IL3RA: variants seen among roughly 807,000 people sequenced by gnomAD.
IL3RA encodes the protein interleukin 3 receptor subunit alpha, also known as interleukin-3 receptor subunit alpha.
IL3RA carries 73 observed loss-of-function variants against 52.3 expected under a neutral mutation model. That is an observed-to-expected ratio of 1.40 (90% confidence interval 1.16 to 1.70). IL3RA has a LOEUF of 1.70. Among genes scored for constraint, IL3RA ranks in the 40% most tolerant of loss-of-function variants. IL3RA has a pLI of 0.00. For missense variants in IL3RA, 664 were observed against 504.4 expected, an observed-to-expected ratio of 1.32 and a Z score of -3.03; for synonymous variants, 260 against 194.0, an observed-to-expected ratio of 1.34 and a Z score of -2.83.
intron 10 of IL3RA, among the ~76,000 whole-genome samples, chrX:1,380,814 C>G (rs1400287236): frequency 2.6e-5 from 4 of 151,594 alleles, no homozygotes; most frequent in African/African-American, 9.7e-5. Flanking sequence ...TACCAGCGCC[C>G]TACTCCTTTA....
At chrX:1,378,573 C>T in intron 9 of IL3RA, 86 bp from the exon 10 acceptor site, 2 of 1,187,956 alleles carry the variant, frequency 1.7e-6, no homozygotes, top group African/African-American at 3.0e-5. Flanking sequence ...CACCTCTCTG[C>T]TTCCCAGGGC....
intron 8 of IL3RA, among the ~76,000 whole-genome samples, chrX:1,360,053 C>G (rs1464058344): frequency 6.8e-6 from 1 of 147,236 alleles, no homozygotes; most frequent in Non-Finnish European, 1.5e-5. Context: ...CTGTCTGTCT[C>G]TGTATCTCTC....
chrX:1,351,795 A>T (rs1181932358), intron 4 of IL3RA, among the ~76,000 whole-genome samples: 3 of 146,426 alleles, frequency 2.0e-5, no homozygotes, highest in South Asian at 2.2e-4. Context: ...CACCTGGCTA[A>T]TTTTTTATAT....
intron 4 of IL3RA, among the ~76,000 whole-genome samples, chrX:1,349,527 G>C (rs1313396201): frequency 3.9e-5 from 6 of 151,908 alleles, no homozygotes; most frequent in African/African-American, 1.2e-4. Context: ...ACCTGAGCTG[G>C]TCTCAAACTC....
intron 6 of IL3RA, 56 bp from the exon 7 acceptor site, chrX:1,356,165 A>T: frequency 8.8e-7 from 1 of 1,131,534 alleles, no homozygotes; most frequent in Non-Finnish European, 1.3e-6. Context: ...AGAGAAAAAG[A>T]AAAAGAATTG....
At chrX:1,381,738 T>G (rs1170137714) in intron 11 of IL3RA, among the ~76,000 whole-genome samples, 1 of 150,334 alleles carries the variant, frequency 6.7e-6, no homozygotes, top group African/African-American at 2.4e-5. Context: ...GAGACGGGGT[T>G]TCACCATGTT....
chrX:1,377,872 C>CAA (rs35759027), intron 9 of IL3RA, among the ~76,000 whole-genome samples: 1 of 111,930 alleles, frequency 8.9e-6, no homozygotes, highest in African/African-American at 2.9e-5. Flanking sequence ...GACTCTGTCT[C>CAA]AAAAAAAAAA....
chrX:1,341,284 G>T (rs7067209), intron 1 of IL3RA, among the ~76,000 whole-genome samples: 5,780 of 142,992 alleles, frequency 0.04, 131 homozygotes, highest in Middle Eastern at 0.074. Flanking sequence ...TGGACGACAA[G>T]GGCGAGTCTC....
In IL3RA at chrX:1,348,514, A is replaced by G; in HGVS notation, c.267A>G (p.Pro89=). The G allele has an allele frequency of 6.2e-7, 1 of 1,613,794 alleles. No individual in the cohort carries two copies. The highest frequency in any genetic ancestry group is 8.5e-7 in the Non-Finnish European group (1 of 1,179,746). The change falls in exon 4 of 12, where the codon CCA becomes CCG. Residue 89 remains proline (P), a synonymous_variant. Coordinates refer to ENST00000331035, the MANE Select transcript of IL3RA (RefSeq NM_002183.4). ...ACACCGTCCGAGTGGCCAACCCACC[A>G]TTCTCCACGTGGATCCTCTTCCCTG... ...TNYTVRVANP[P]FSTWILFPEN...
chrX:1,349,590 G>A (rs1434856850), intron 4 of IL3RA, among the ~76,000 whole-genome samples: 2 of 152,086 alleles, frequency 1.3e-5, no homozygotes, highest in East Asian at 3.9e-4. Context: ...GGGATTGTAA[G>A]CATCAGCCAC....
At chrX:1,356,883 A>G (rs1168813333) in intron 7 of IL3RA, among the ~76,000 whole-genome samples, 3 of 151,528 alleles carry the variant, frequency 2.0e-5, no homozygotes, top group Admixed American at 2.0e-4. Context: ...TTTCTTTTGT[A>G]GTGATCTACA....
chrX:1,346,850 C>G (rs750369870), intron 3 of IL3RA, among the ~76,000 whole-genome samples: 5 of 151,164 alleles, frequency 3.3e-5, no homozygotes, highest in African/African-American at 1.2e-4. Flanking sequence ...GAGCTATGTT[C>G]GTTCAATACA....
At chrX:1,355,805 T>C (rs1398124254) in intron 6 of IL3RA, among the ~76,000 whole-genome samples, 1 of 146,310 alleles carries the variant, frequency 6.8e-6, no homozygotes, top group East Asian at 2.0e-4. Context: ...AGAGGGGGCA[T>C]GGGAAGTAGG....
intron 8 of IL3RA, among the ~76,000 whole-genome samples, chrX:1,359,203 G>A (rs763369891): frequency 6.6e-6 from 1 of 151,970 alleles, no homozygotes; most frequent in African/African-American, 2.4e-5. Flanking sequence ...CTGTCCAAAC[G>A]AGGTCCACCC....
intron 4 of IL3RA, among the ~76,000 whole-genome samples, chrX:1,349,616 CTTT>C (rs1233362487): frequency 1.3e-5 from 2 of 151,598 alleles, no homozygotes; most frequent in Non-Finnish European, 2.9e-5. Flanking sequence ...CTGGCCTCTT[CTTT>C]GTTTTTTAAT....
At chrX:1,379,580 A>T (rs1481709528) in intron 10 of IL3RA, among the ~76,000 whole-genome samples, 2 of 152,220 alleles carry the variant, frequency 1.3e-5, no homozygotes, top group Non-Finnish European at 2.9e-5. Flanking sequence ...GGGTGGAGGA[A>T]GCAGGGCCGG....
chrX:1,382,591 T>A lies in IL3RA; in HGVS notation c.*126T>A. The A allele has an allele frequency of 1.2e-6, 1 of 829,404 alleles. No homozygotes were observed. Among genetic ancestry groups the A allele is most frequent in the Admixed American group, 1.9e-5 (1 of 53,520 alleles). 51.4% of individuals were successfully genotyped at this position (829,404 alleles called of 1,614,324 possible). On this transcript the variant is annotated 3_prime_UTR_variant, in exon 12 of 12. Transcript: ENST00000331035. ...GGACATTCCTAACGGGTGGTGGGCA[T>A]GGGAGATGCCTGTGTAATTTCGTCC...
At chrX:1,357,628 C>G (rs2086838223) in intron 7 of IL3RA, among the ~76,000 whole-genome samples, 1 of 151,902 alleles carries the variant, frequency 6.6e-6, no homozygotes, top group Admixed American at 6.6e-5. Context: ...TCCCAAAGTG[C>G]TGGGATTACA....
At chrX:1,352,291 G>T in intron 5 of IL3RA, 31 bp from the exon 6 acceptor site, 1 of 1,613,174 alleles carries the variant, frequency 6.2e-7, no homozygotes, top group South Asian at 1.1e-5. Flanking sequence ...ATCGGCGTGG[G>T]GTCGTCCCCC....
Sources: gnomAD v4.1 joint callset for allele counts (sites outside exome capture counted in the v4.1 genomes callset) on GRCh38, gnomAD v4.1.1 for gene constraint, MANE v1.5 for transcripts, NCBI Gene and HGNC (gene_info 2026-07-23, HGNC 2026-07-21) for gene names.